The following GABPB1 variants were observed in gnomAD, a reference collection of about 807,000 sequenced individuals.
GABPB1 encodes the protein GA binding protein transcription factor subunit beta 1.
GABPB1 carries 15 observed loss-of-function variants against 45.9 expected under a neutral mutation model. That is an observed-to-expected ratio of 0.33 (90% confidence interval 0.22 to 0.50). The LOEUF (loss-of-function observed/expected upper bound fraction) is 0.50, where lower values mean the gene tolerates loss of function less well. Among genes scored for constraint, GABPB1 ranks in the 20% least tolerant of loss-of-function variants. The pLI, the probability that GABPB1 is intolerant of heterozygous loss-of-function variation, is 0.98. For missense variants in GABPB1, 252 were observed against 457.5 expected (o/e 0.55, Z 4.10); for synonymous variants, 143 against 154.4 (o/e 0.93, Z 0.55).
intron 1 of GABPB1, among the ~76,000 whole-genome samples, chr15:50,344,606 CGAG>C (rs1222515859): frequency 6.6e-6 from 1 of 152,104 alleles, no homozygotes; most frequent in Non-Finnish European, 1.5e-5. Context: ...TTTGGGAGGC[CGAG>C]GAGGGCGGCA....
chr15:50,310,975 CA>C (rs34615409), intron 1 of GABPB1, among the ~76,000 whole-genome samples: 79,973 of 123,056 alleles, frequency 0.65, 23,552 homozygotes, highest in African/African-American at 0.74. Context: ...AACTCTGTCT[CA>C]AAAAAAAAAA....
chr15:50,317,578 G>C (rs1409766564), intron 1 of GABPB1, among the ~76,000 whole-genome samples: 1 of 150,786 alleles, frequency 6.6e-6, no homozygotes, highest in East Asian at 1.9e-4. Context: ...TTCAAAATTA[G>C]GTTACAGATA....
At chr15:50,348,791 G>A (rs1352508781) in intron 1 of GABPB1, 3 of 152,080 alleles carry the variant, frequency 2.0e-5, no homozygotes, top group Non-Finnish European at 2.9e-5. Context: ...GAACCCAGGA[G>A]GCGCAGATTG....
intron 4 of GABPB1, among the ~76,000 whole-genome samples, chr15:50,302,719 T>C (rs2046802685): frequency 6.7e-6 from 1 of 148,340 alleles, no homozygotes; most frequent in African/African-American, 2.5e-5. Context: ...AATCACCTTA[T>C]CTAATGTTAA....
At chr15:50,321,552 G>A (rs1419690981) in intron 1 of GABPB1, among the ~76,000 whole-genome samples, 1 of 152,084 alleles carries the variant, frequency 6.6e-6, no homozygotes. Context: ...AGGGCATTCT[G>A]TTAGCCAGGC....
At chr15:50,330,093 G>A (rs757352810) in intron 1 of GABPB1, among the ~76,000 whole-genome samples, 4 of 151,526 alleles carry the variant, frequency 2.6e-5, no homozygotes, top group African/African-American at 4.8e-5. Context: ...TTGGAGAGAC[G>A]AGGTTTTGAC....
chr15:50,296,807 G>C (rs759614994), intron 6 of GABPB1, among the ~76,000 whole-genome samples: 9 of 151,284 alleles, frequency 5.9e-5, no homozygotes, highest in Non-Finnish European at 1.3e-4. Context: ...AGAAATCAGA[G>C]AAATAATCTG....
At chr15:50,287,336 A>T (rs1415433216) in intron 7 of GABPB1, among the ~76,000 whole-genome samples, 1 of 152,144 alleles carries the variant, frequency 6.6e-6, no homozygotes, top group East Asian at 1.9e-4. Flanking sequence ...TACAGAAAAA[A>T]ACTTGGTATT....
chr15:50,349,083 A>C (rs1037521110), intron 1 of GABPB1: 1 of 152,150 alleles, frequency 6.6e-6, no homozygotes, highest in Non-Finnish European at 1.5e-5. Context: ...AATCCAAAAA[A>C]CTTCTGAAAC....
At chr15:50,339,309 C>T (rs1396832162) in intron 1 of GABPB1, among the ~76,000 whole-genome samples, 1 of 151,990 alleles carries the variant, frequency 6.6e-6, no homozygotes, top group Non-Finnish European at 1.5e-5. Flanking sequence ...CAAAGTGAGA[C>T]TCCATCTCAA....
At chr15:50,342,884 T>C (rs2048427413) in intron 1 of GABPB1, among the ~76,000 whole-genome samples, 1 of 152,202 alleles carries the variant, frequency 6.6e-6, no homozygotes. Context: ...ATGAAGGACT[T>C]AACATTTGTT....
chr15:50,284,196 A>G (rs779076437), intron 8 of GABPB1, among the ~76,000 whole-genome samples: 14 of 152,286 alleles, frequency 9.2e-5, no homozygotes, highest in Admixed American at 3.3e-4. Context: ...GACTTCATGT[A>G]TTATAAGGAA....
intron 6 of GABPB1, among the ~76,000 whole-genome samples, chr15:50,298,293 C>G (rs1469966347): frequency 6.6e-6 from 1 of 152,070 alleles, no homozygotes; most frequent in African/African-American, 2.4e-5. Context: ...GCCACGTTGT[C>G]CAGGCTGGTT....
chr15:50,283,772 A>G (rs182830732), intron 8 of GABPB1, among the ~76,000 whole-genome samples: 309 of 152,276 alleles, frequency 2.0e-3, no homozygotes, highest in South Asian at 4.6e-3. Flanking sequence ...TTGGCCTCCC[A>G]AAGTGCTGGG....
At chr15:50,279,851 G>A (rs2045921620) in intron 8 of GABPB1, among the ~76,000 whole-genome samples, 1 of 152,182 alleles carries the variant, frequency 6.6e-6, no homozygotes, top group South Asian at 2.1e-4. Flanking sequence ...AAGGTAAGTG[G>A]TTGGCCGACC....
At chr15:50,349,640 A>G (rs1425972558) in intron 1 of GABPB1, 2 of 152,238 alleles carry the variant, frequency 1.3e-5, no homozygotes, top group African/African-American at 4.8e-5. Flanking sequence ...TCTCTACTCA[A>G]TTGATATTAC....
At chr15:50,327,163 C>A (rs1392756401) in intron 1 of GABPB1, 1 of 152,124 alleles carries the variant, frequency 6.6e-6, no homozygotes, top group East Asian at 1.9e-4. Flanking sequence ...CAGTAGATGC[C>A]TTTGATTTAA....
intron 8 of GABPB1, among the ~76,000 whole-genome samples, chr15:50,279,476 TGATTA>T (rs1230764729): frequency 9.4e-6 from 1 of 106,744 alleles, no homozygotes; most frequent in Admixed American, 1.1e-4. Flanking sequence ...AAATTATCAA[TGATTA>T]AATTATATAG....
intron 1 of GABPB1, among the ~76,000 whole-genome samples, chr15:50,342,446 C>T (rs1161037937): frequency 6.6e-6 from 1 of 152,052 alleles, no homozygotes; most frequent in African/African-American, 2.4e-5. Flanking sequence ...TAAACAAGTC[C>T]TTTCTATTCA....
Sources: gnomAD v4.1 joint callset for allele counts (sites outside exome capture counted in the v4.1 genomes callset) on GRCh38, gnomAD v4.1.1 for gene constraint, MANE v1.5 for transcripts, NCBI Gene and HGNC (gene_info 2026-07-23, HGNC 2026-07-21) for gene names.